MME: variants seen among roughly 807,000 people sequenced by gnomAD.
The protein encoded by MME is neprilysin.
MME carries 98 observed loss-of-function variants against 113.2 expected under a neutral mutation model. The observed-to-expected ratio is 0.87, with a 90% confidence interval of 0.74 to 1.02. MME has a LOEUF of 1.02. MME is among the 50% of genes least tolerant of loss of function. The pLI is 0.00. For synonymous variants in MME, 292 were observed against 300.6 expected (o/e 0.97, Z 0.30); for missense variants, 836 against 896.0 (o/e 0.93, Z 0.86).
intron 3 of MME, among the ~76,000 whole-genome samples, chr3:155,095,175 A>G (rs1559913843): frequency 6.6e-6 from 1 of 152,234 alleles, no homozygotes; most frequent in Non-Finnish European, 1.5e-5. Context: ...TCAGTGGAGT[A>G]GTTTCTGTTA....
upstream of MME, among the ~76,000 whole-genome samples, chr3:155,075,700 A>T (rs983512993): frequency 4.6e-5 from 7 of 152,016 alleles, no homozygotes; most frequent in African/African-American, 1.7e-4. Flanking sequence ...ACTTCATTTT[A>T]TTTATTTAGC....
At chr3:155,037,563 G>T (rs969627442) in intron 1 of MME, among the ~76,000 whole-genome samples, 1 of 152,098 alleles carries the variant, frequency 6.6e-6, no homozygotes, top group Non-Finnish European at 1.5e-5. Flanking sequence ...GGTAGGAAGA[G>T]GTCAGTAGAC....
intron 22 of MME, among the ~76,000 whole-genome samples, chr3:155,173,204 A>G (rs1014044206): frequency 2.0e-5 from 3 of 152,014 alleles, no homozygotes; most frequent in Non-Finnish European, 4.4e-5. Flanking sequence ...TCCAACCAAC[A>G]TTTGAATGTT....
chr3:155,132,660 G>A (rs759258914), intron 8 of MME, among the ~76,000 whole-genome samples: 8 of 151,954 alleles, frequency 5.3e-5, no homozygotes, highest in Non-Finnish European at 7.4e-5. Flanking sequence ...GCTGACTCTG[G>A]CCTCTGTTGT....
At chr3:155,030,741 A>G (rs909197755) in intron 1 of MME, among the ~76,000 whole-genome samples, 1 of 152,242 alleles carries the variant, frequency 6.6e-6, no homozygotes, top group African/African-American at 2.4e-5. Context: ...AAGTTTTGCT[A>G]GCTGCAAATG....
intron 1 of MME, among the ~76,000 whole-genome samples, chr3:155,063,962 G>A (rs901312705): frequency 2.1e-4 from 32 of 150,594 alleles, no homozygotes; most frequent in Non-Finnish European, 3.7e-4. Context: ...TGGTATGGGT[G>A]GTAGTTTAAT....
Position 155,042,874 on chromosome 3 carries a change from T to C in MME, c.-11+18550T>C, listed in dbSNP as rs569374738. 2.1e-4 allele frequency among the ~76,000 whole-genome samples: 29 copies of C among 134,974 alleles called. No homozygotes were observed. The South Asian group carries it at 5.2e-3, about 24-fold the overall frequency. The allele number at this position is 134,974 out of a possible 152,430, so 88.5% of individuals were successfully genotyped here. A position where few individuals can be genotyped will look rare whatever the true frequency, so the allele number is the denominator to read the frequency against. ...GCCATTCAAGTAAACCCCATGTAAA[T>C]TTAGAAAAATTACCAATAGTAGGTT... is the stretch of plus-strand genomic sequence containing the variant. On this transcript the variant is annotated intron_variant, in intron 1 of 22. Coordinates refer to the MME transcript ENST00000492661.
intron 16 of MME, chr3:155,158,985 TA>T (rs1576657517): frequency 6.6e-6 from 1 of 151,990 alleles, no homozygotes; most frequent in African/African-American, 2.4e-5. Flanking sequence ...TTTTTCTTCC[TA>T]AAGAAAAATT....
chr3:155,072,167 C>CAAAAAAAAA (rs71155031), intron 1 of MME, among the ~76,000 whole-genome samples: 3 of 65,066 alleles, frequency 4.6e-5, no homozygotes, highest in African/African-American at 7.1e-5. Flanking sequence ...GACTCCGTCT[C>CAAAAAAAAA]AAAAAAAAAA....
chr3:155,039,512 C>CT (rs1001231328), intron 1 of MME, among the ~76,000 whole-genome samples: 12 of 151,574 alleles, frequency 7.9e-5, no homozygotes, highest in African/African-American at 1.5e-4. Context: ...TAAATAGCCA[C>CT]TTTTTTTTTC....
At chr3:155,077,821 G>C (rs1209743824), upstream of MME, among the ~76,000 whole-genome samples, 4 of 152,064 alleles carry the variant, frequency 2.6e-5, no homozygotes, top group African/African-American at 9.7e-5. Context: ...TCGACTATCA[G>C]CTGAAAGTCA....
chr3:155,130,019 A>C (rs902258982), intron 8 of MME, among the ~76,000 whole-genome samples: 4 of 152,198 alleles, frequency 2.6e-5, no homozygotes, highest in Non-Finnish European at 5.9e-5. Context: ...ATTGGTCTCA[A>C]AGCTTCCCTT....
intron 3 of MME, among the ~76,000 whole-genome samples, chr3:155,091,749 A>G (rs1716316262): frequency 6.6e-6 from 1 of 152,224 alleles, no homozygotes; most frequent in African/African-American, 2.4e-5. Context: ...AAAATACGCA[A>G]TTTAAAAAAC....
chr3:155,132,337 A>G (rs1464552463), intron 8 of MME, among the ~76,000 whole-genome samples: 2 of 152,212 alleles, frequency 1.3e-5, no homozygotes, highest in Non-Finnish European at 2.9e-5. Flanking sequence ...ATTTATAAAT[A>G]TCATTACCTG....
intron 8 of MME, among the ~76,000 whole-genome samples, chr3:155,125,963 G>A (rs903794842): frequency 1.3e-5 from 2 of 152,126 alleles, no homozygotes; most frequent in Admixed American, 6.5e-5. Flanking sequence ...AAAATTACTA[G>A]CTAAATATGT....
rs1436632 is a variant in MME at position 155,148,756 on chromosome 3, A to C, written c.1601+103A>C. ...AGCCTCAGTTAGAAAAATATTAAAA[A>C]GTACAAAGTCCTCTTTTTATTGAGA... On this transcript the variant is annotated intron_variant, in intron 16 of 22. Coordinates refer to ENST00000360490, the MANE Select transcript of MME (RefSeq NM_007289.4). The C allele has an allele frequency of 0.34, 287,082 of 849,322 alleles. 49,415 individuals are homozygous for C. The highest frequency in any genetic ancestry group is 0.44 in the African/African-American group (25,983 of 58,926). 52.6% of individuals were successfully genotyped at this position (849,322 alleles called of 1,614,324 possible).
At chr3:155,067,690 A>C (rs1258586271) in intron 1 of MME, among the ~76,000 whole-genome samples, 2 of 152,176 alleles carry the variant, frequency 1.3e-5, no homozygotes, top group East Asian at 3.8e-4. Context: ...AAAGACACTT[A>C]ACATCATTAG....
chr3:155,149,243 T>A lies in MME; in HGVS notation c.1601+590T>A, dbSNP rs61758209. On this transcript the variant is annotated intron_variant, in intron 16 of 22. Coordinates refer to ENST00000360490, the MANE Select transcript of MME (RefSeq NM_007289.4). Reference sequence around the variant, plus strand: ...TTTTATTTTTTCTATTAAATAGATATAACTAACATATTTATCAGCATATGT... The same window carrying A: ...TTTTATTTTTTCTATTAAATAGATAAAACTAACATATTTATCAGCATATGT... Among the ~76,000 whole-genome samples the A allele has an allele frequency of 5.5e-3, 838 of 152,304 alleles. 3 individuals are homozygous for A. The highest frequency in any genetic ancestry group is 9.1e-3 in the Non-Finnish European group (619 of 68,016).
intron 1 of MME, among the ~76,000 whole-genome samples, chr3:155,057,321 A>G (rs1449525378): frequency 6.6e-6 from 1 of 152,168 alleles, no homozygotes; most frequent in African/African-American, 2.4e-5. Context: ...GAAGACATTT[A>G]TGCAGCCAAA....
Sources: gnomAD v4.1 joint callset for allele counts (sites outside exome capture counted in the v4.1 genomes callset) on GRCh38, gnomAD v4.1.1 for gene constraint, MANE v1.5 for transcripts, NCBI Gene and HGNC (gene_info 2026-07-23, HGNC 2026-07-21) for gene names.